CCBE1: variants seen among roughly 807,000 people sequenced by gnomAD.
The protein encoded by CCBE1 is collagen and calcium-binding EGF domain-containing protein 1.
A neutral mutation model predicts 50.0 loss-of-function variants in CCBE1; 37 were observed. The ratio of observed to expected loss-of-function variants is 0.74; its 90% CI spans 0.57 to 0.97. The LOEUF (loss-of-function observed/expected upper bound fraction) is 0.97, where lower values mean the gene tolerates loss of function less well. Ranked by LOEUF, CCBE1 falls within the 50% of genes least tolerant of loss-of-function variation. CCBE1 has a pLI of 0.00. For synonymous variants in CCBE1, 234 were observed against 203.7 expected (o/e 1.15, Z -1.27); for missense variants, 538 against 523.8 (o/e 1.03, Z -0.26).
intron 2 of CCBE1, among the ~76,000 whole-genome samples, chr18:59,650,739 C>T (rs1011306207): frequency 1.3e-5 from 2 of 151,432 alleles, no homozygotes; most frequent in Non-Finnish European, 2.9e-5. Flanking sequence ...TGAATTTCTC[C>T]ACTCTCACTG....
At chr18:59,584,104 T>C (rs1361173587) in intron 2 of CCBE1, among the ~76,000 whole-genome samples, 1 of 152,094 alleles carries the variant, frequency 6.6e-6, no homozygotes, top group Admixed American at 6.5e-5. Context: ...CCAACCCAAA[T>C]GTCCAACAAT....
chr18:59,629,598 G>A (rs1054986561), intron 2 of CCBE1, among the ~76,000 whole-genome samples: 3 of 152,166 alleles, frequency 2.0e-5, no homozygotes, highest in African/African-American at 7.2e-5. Flanking sequence ...AGAAAGGAGT[G>A]GTAACGGGAA....
chr18:59,636,962 T>C (rs2053924074), intron 2 of CCBE1, among the ~76,000 whole-genome samples: 1 of 152,212 alleles, frequency 6.6e-6, no homozygotes, highest in African/African-American at 2.4e-5. Flanking sequence ...TTGGTGTGAC[T>C]TCTAATATTC....
intron 2 of CCBE1, among the ~76,000 whole-genome samples, chr18:59,662,578 A>G (rs552108397): frequency 3.3e-5 from 5 of 152,342 alleles, no homozygotes; most frequent in East Asian, 1.9e-4. Context: ...ATCCAAATGT[A>G]TAATTACAAA....
chr18:59,680,065 A>G (rs1199026585), intron 2 of CCBE1, among the ~76,000 whole-genome samples: 1 of 151,962 alleles, frequency 6.6e-6, no homozygotes, highest in Non-Finnish European at 1.5e-5. Flanking sequence ...TACTAAAAAT[A>G]CAAAAATCAG....
At chr18:59,589,931 T>C (rs180741751) in intron 2 of CCBE1, among the ~76,000 whole-genome samples, 2 of 151,548 alleles carry the variant, frequency 1.3e-5, no homozygotes, top group East Asian at 3.9e-4. Flanking sequence ...AAGAGAACCA[T>C]AAGATTATTT....
intron 2 of CCBE1, among the ~76,000 whole-genome samples, chr18:59,616,796 T>C (rs528569916): frequency 6.6e-6 from 1 of 152,354 alleles, no homozygotes; most frequent in East Asian, 1.9e-4. Context: ...ATGTGGTAAA[T>C]GGACTGCCAG....
At chr18:59,439,472 A>AAAAAC (rs1910312676) in intron 9 of CCBE1, 71 bp downstream of exon 9, 5 of 1,592,502 alleles carry the variant, frequency 3.1e-6, no homozygotes, top group South Asian at 1.1e-5. Flanking sequence ...CTCAAAAAAC[A>AAAAAC]AAAACAAAAC....
At chr18:59,524,065 A>G (rs1352749763) in intron 2 of CCBE1, among the ~76,000 whole-genome samples, 2 of 152,206 alleles carry the variant, frequency 1.3e-5, no homozygotes, top group African/African-American at 2.4e-5. Context: ...TCACGCCTGT[A>G]ATCCCAGCAC....
intron 2 of CCBE1, among the ~76,000 whole-genome samples, chr18:59,498,073 G>C (rs1344631932): frequency 6.6e-6 from 1 of 152,206 alleles, no homozygotes; most frequent in Non-Finnish European, 1.5e-5. Flanking sequence ...CCATGAGGGA[G>C]GCACCACGCC....
In CCBE1 at chr18:59,626,175, T is replaced by G. The variant is rs1277317062; in HGVS notation, c.212+70454A>C. On this transcript the variant is annotated intron_variant, in intron 2 of 10. Coordinates refer to ENST00000439986, the MANE Select transcript of CCBE1 (RefSeq NM_133459.4). Reference sequence around the variant, plus strand: ...CAATTTGACCAATCTTAGTATCTATTTTGCTTTAAGCAAAATGTTCCTGAA... The same window carrying G: ...CAATTTGACCAATCTTAGTATCTATGTTGCTTTAAGCAAAATGTTCCTGAA... 2.0e-5 allele frequency among the ~76,000 whole-genome samples: 3 copies of G among 152,222 alleles called. No individual in the cohort carries two copies. In the South Asian group the frequency reaches 6.2e-4, roughly 32 times the overall value.
chr18:59,632,613 G>A (rs147048062), intron 2 of CCBE1, among the ~76,000 whole-genome samples: 2,573 of 151,642 alleles, frequency 0.017, 69 homozygotes, highest in African/African-American at 0.06. Context: ...TTTTGAGATG[G>A]AGTCTTACTC....
At chr18:59,470,770 T>C (rs1037439215) in intron 3 of CCBE1, among the ~76,000 whole-genome samples, 3 of 152,136 alleles carry the variant, frequency 2.0e-5, no homozygotes, top group Non-Finnish European at 4.4e-5. Context: ...CTCTTCCAGG[T>C]GCTGACAGAT....
chr18:59,696,804 G>A, intron 1 of CCBE1, 95 bp from the exon 2 acceptor site: 2 of 1,350,406 alleles, frequency 1.5e-6, no homozygotes, highest in Non-Finnish European at 1.0e-6. Flanking sequence ...GGGATCGCCA[G>A]GCTCCCCGTC....
intron 2 of CCBE1, among the ~76,000 whole-genome samples, chr18:59,590,570 C>T (rs2053249361): frequency 6.6e-6 from 1 of 151,916 alleles, no homozygotes; most frequent in African/African-American, 2.4e-5. Context: ...CAATAAAACA[C>T]CAAAAAAGAA....
chr18:59,558,191 C>A (rs117530855), intron 2 of CCBE1, among the ~76,000 whole-genome samples: 1 of 152,190 alleles, frequency 6.6e-6, no homozygotes, highest in Non-Finnish European at 1.5e-5. Flanking sequence ...CATAATTTTA[C>A]ACAGAAACTG....
chr18:59,612,261 T>C (rs1256072036), intron 2 of CCBE1, among the ~76,000 whole-genome samples: 3 of 148,962 alleles, frequency 2.0e-5, no homozygotes, highest in Admixed American at 1.3e-4. Context: ...TCCTGCACGT[T>C]GTGCACATGT....
chr18:59,582,089 T>C (rs2053092599), intron 2 of CCBE1, among the ~76,000 whole-genome samples: 2 of 152,110 alleles, frequency 1.3e-5, no homozygotes, highest in Non-Finnish European at 2.9e-5. Context: ...CCCACTTGAC[T>C]GGTCTGCCAC....
chr18:59,561,002 A>C (rs574945908), intron 2 of CCBE1, among the ~76,000 whole-genome samples: 8 of 152,232 alleles, frequency 5.3e-5, no homozygotes, highest in Non-Finnish European at 1.2e-4. Flanking sequence ...TGATAGGAAG[A>C]GCGTCCCCCC....
Sources: allele counts gnomAD v4.1 joint callset (sites outside exome capture counted in the v4.1 genomes callset), GRCh38; gene constraint gnomAD v4.1.1; transcripts MANE v1.5; gene names NCBI Gene and HGNC (gene_info 2026-07-23, HGNC 2026-07-21).